The following BMP5 variants were observed in gnomAD, a reference collection of about 807,000 sequenced individuals.
BMP5 encodes bone morphogenetic protein 5.
In BMP5, 23 loss-of-function variants were observed where a neutral mutation model predicts 46.6. The ratio of observed to expected loss-of-function variants is 0.49; its 90% CI spans 0.35 to 0.70. The LOEUF is 0.70. Among genes scored for constraint, BMP5 ranks in the 30% least tolerant of loss-of-function variants. The pLI is 0.00. For synonymous variants in BMP5, 204 were observed against 191.9 expected (o/e 1.06, Z -0.52); for missense variants, 545 against 565.6 (o/e 0.96, Z 0.37).
intron 1 of BMP5, among the ~76,000 whole-genome samples, chr6:55,856,056 C>A (rs1777388260): frequency 6.6e-6 from 1 of 151,094 alleles, no homozygotes; most frequent in Non-Finnish European, 1.5e-5. Context: ...TTTCACCCCA[C>A]CTTTAATCCC....
At chr6:55,773,819 C>A (rs1775102456) in intron 4 of BMP5, among the ~76,000 whole-genome samples, 1 of 151,812 alleles carries the variant, frequency 6.6e-6, no homozygotes, top group Non-Finnish European at 1.5e-5. Flanking sequence ...GTCATCTTGA[C>A]TTTAATTTGA....
intron 1 of BMP5, among the ~76,000 whole-genome samples, chr6:55,847,012 C>T (rs998452063): frequency 6.6e-6 from 1 of 151,458 alleles, no homozygotes; most frequent in African/African-American, 2.4e-5. Flanking sequence ...AGGAAAATAA[C>T]CAGCAAGGGT....
intron 1 of BMP5, among the ~76,000 whole-genome samples, chr6:55,852,299 C>T (rs1385761244): frequency 6.6e-5 from 10 of 151,810 alleles, no homozygotes; most frequent in African/African-American, 1.7e-4. Context: ...ATTTTTGTGA[C>T]GATCCAAGAA....
chr6:55,844,714 A>G (rs1777055055), intron 1 of BMP5, among the ~76,000 whole-genome samples: 1 of 151,850 alleles, frequency 6.6e-6, no homozygotes, highest in Non-Finnish European at 1.5e-5. Context: ...TGACCTTTAA[A>G]ATATGGTAAA....
Position 55,850,757 on chromosome 6 carries a change from G to C in BMP5, c.490+23619C>G, listed in dbSNP as rs940722977. On this transcript the variant is annotated intron_variant, in intron 1 of 6. Coordinates refer to ENST00000370830, the MANE Select transcript of BMP5 (RefSeq NM_021073.4). ...TATTTATTTAGCATCAACTAAATGT[G>C]TATCTGCAGGCTGTTTAGCATAGTG... Among the ~76,000 whole-genome samples, 3 of 152,136 alleles carry C rather than the reference G, an allele frequency of 2.0e-5. No individual in the cohort carries two copies. The East Asian group carries it at 5.8e-4, about 29-fold the overall frequency.
At chr6:55,841,868 T>TA (rs1421977262) in intron 1 of BMP5, among the ~76,000 whole-genome samples, 1 of 151,712 alleles carries the variant, frequency 6.6e-6, no homozygotes, top group East Asian at 1.9e-4. Flanking sequence ...AGCTTCAACA[T>TA]ATGAATTTGG....
intron 4 of BMP5, among the ~76,000 whole-genome samples, chr6:55,767,923 T>C (rs1446644751): frequency 6.6e-6 from 1 of 152,010 alleles, no homozygotes; most frequent in Non-Finnish European, 1.5e-5. Flanking sequence ...GTAAAATATA[T>C]AATTCATGTA....
intron 1 of BMP5, among the ~76,000 whole-genome samples, chr6:55,872,030 A>C: frequency 6.6e-6 from 1 of 151,748 alleles, no homozygotes; most frequent in East Asian, 1.9e-4. Flanking sequence ...AAGCACTGGC[A>C]CTCTTATTGC....
chr6:55,849,828 A>G (rs1218696636), intron 1 of BMP5, among the ~76,000 whole-genome samples: 2 of 152,050 alleles, frequency 1.3e-5, no homozygotes, highest in East Asian at 3.9e-4. Context: ...CCAGAAGTGA[A>G]TGAAAATCAT....
At chr6:55,807,216 A>G (rs936825432) in intron 2 of BMP5, among the ~76,000 whole-genome samples, 1 of 152,100 alleles carries the variant, frequency 6.6e-6, no homozygotes, top group Admixed American at 6.5e-5. Flanking sequence ...TGTCATAAAT[A>G]GCTCTTATTA....
chr6:55,757,544 A>G (rs2127514307), intron 6 of BMP5, among the ~76,000 whole-genome samples: 1 of 152,042 alleles, frequency 6.6e-6, no homozygotes, highest in South Asian at 2.1e-4. Flanking sequence ...CAAAACATCC[A>G]TCCTTGCAAA....
At chr6:55,849,185 A>G (rs1002805882) in intron 1 of BMP5, among the ~76,000 whole-genome samples, 5 of 152,098 alleles carry the variant, frequency 3.3e-5, no homozygotes, top group Non-Finnish European at 7.4e-5. Context: ...GTCTGGGGCT[A>G]TAGGAGTGAA....
At chr6:55,769,216 T>C (rs1774988332) in intron 4 of BMP5, among the ~76,000 whole-genome samples, 1 of 151,930 alleles carries the variant, frequency 6.6e-6, no homozygotes, top group African/African-American at 2.4e-5. Context: ...TGCAAGGCTG[T>C]TTGATAGCAC....
At chr6:55,831,123 G>A (rs1302699049) in intron 1 of BMP5, among the ~76,000 whole-genome samples, 2 of 152,178 alleles carry the variant, frequency 1.3e-5, no homozygotes, top group African/African-American at 4.8e-5. Context: ...TTGCCAGGAT[G>A]TCGACAGCTA....
rs546463936 is a variant in BMP5, at chr6:55,852,038, T to G, written c.490+22338A>C. 1.3e-4 allele frequency among the ~76,000 whole-genome samples: 20 copies of G among 152,262 alleles called. 1 individual carries two copies. The South Asian group carries it at 3.9e-3, about 30-fold the overall frequency. ...ATTCTATCCCCCCAAAGTATTGTTT[T>G]TATATGCCAAGCACTTATTAGTAAA... is the stretch of plus-strand genomic sequence containing the variant. On this transcript the variant is annotated intron_variant, in intron 1 of 6. Coordinates refer to ENST00000370830, the MANE Select transcript of BMP5 (RefSeq NM_021073.4).
At chr6:55,827,166 G>A (rs1358235341) in intron 1 of BMP5, among the ~76,000 whole-genome samples, 1 of 151,696 alleles carries the variant, frequency 6.6e-6, no homozygotes, top group African/African-American at 2.4e-5. Context: ...GTTTCAGCTT[G>A]TATTATGAGA....
intron 1 of BMP5, among the ~76,000 whole-genome samples, chr6:55,826,709 T>C (rs979397200): frequency 6.6e-6 from 1 of 151,342 alleles, no homozygotes; most frequent in Admixed American, 6.6e-5. Flanking sequence ...AAATAAACAA[T>C]TGTAGCAATA....
At chr6:55,774,304 A>C (rs1470314050) in intron 3 of BMP5, 61 bp from the exon 4 acceptor site, 1 of 1,499,352 alleles carries the variant, frequency 6.7e-7, no homozygotes, top group Admixed American at 1.7e-5. Flanking sequence ...CCTGATGTGA[A>C]TGAATTCTGA....
chr6:55,842,169 T>C lies in BMP5; in HGVS notation c.491-22322A>G, dbSNP rs1011641288. On this transcript the variant is annotated intron_variant, in intron 1 of 6. Coordinates refer to ENST00000370830, the MANE Select transcript of BMP5 (RefSeq NM_021073.4). ...TTCTGGAAGACAACTAAATGTCTGG[T>C]GAATCCTCTTAGTCCCGTCAAAATT... 3.3e-5 allele frequency among the ~76,000 whole-genome samples: 5 copies of C among 152,198 alleles called. No homozygotes were observed. In the South Asian group the frequency reaches 1.0e-3, roughly 32 times the overall value.
Sources: allele counts gnomAD v4.1 joint callset (sites outside exome capture counted in the v4.1 genomes callset), GRCh38; gene constraint gnomAD v4.1.1; transcripts MANE v1.5; gene names NCBI Gene and HGNC (gene_info 2026-07-23, HGNC 2026-07-21).